Variants in ZNF565 observed in about 807,000 individuals in gnomAD.
ZNF565 encodes the protein zinc finger protein 565.
ZNF565 carries 27 observed loss-of-function variants against 39.4 expected under a neutral mutation model. The ratio of observed to expected loss-of-function variants is 0.69; its 90% CI spans 0.51 to 0.95. ZNF565 has a LOEUF of 0.95. ZNF565 is among the 40% of genes least tolerant of loss of function. The pLI, the probability that ZNF565 is intolerant of heterozygous loss-of-function variation, is 0.00. For synonymous variants in ZNF565, 185 were observed against 216.6 expected (o/e 0.85, Z 1.28); for missense variants, 524 against 621.1 (o/e 0.84, Z 1.66).
In ZNF565 at chr19:36,245,821, C is replaced by T; in HGVS notation, c.-291G>A. On this transcript the variant is annotated 5_prime_UTR_variant, in exon 1 of 5. Transcript: ENST00000355114. The surrounding 1 kb of genome is among the most constrained non-coding windows in gnomAD (Gnocchi z 4.4). ...CTTGAGTCCCGGTTCCTTCGCCCAGCTGCGGGCCTCGGGCTACTGGATCCG... is the reference window on the plus strand; with the variant it reads ...CTTGAGTCCCGGTTCCTTCGCCCAGTTGCGGGCCTCGGGCTACTGGATCCG... 1 of 378,040 alleles carries T rather than the reference C, an allele frequency of 2.6e-6. No homozygotes were observed. Among genetic ancestry groups the T allele is most frequent in the Non-Finnish European group, 4.8e-6 (1 of 209,770 alleles). The allele number at this position is 378,040 out of a possible 1,614,324, so 23.4% of individuals were successfully genotyped here. A position where few individuals can be genotyped will look rare whatever the true frequency, so the allele number is the denominator to read the frequency against.
intron 1 of ZNF565, among the ~76,000 whole-genome samples, chr19:36,242,491 G>T (rs1465870605): frequency 1.3e-5 from 2 of 151,954 alleles, no homozygotes; most frequent in African/African-American, 4.8e-5. Flanking sequence ...CACTTTAGAG[G>T]GCTGAGGTGG....
At chr19:36,211,302 G>T (rs554833531) in intron 1 of ZNF565, among the ~76,000 whole-genome samples, 1 of 151,990 alleles carries the variant, frequency 6.6e-6, no homozygotes, top group East Asian at 1.9e-4. Flanking sequence ...TATTAGCCGG[G>T]CGTGGTGGTG....
chr19:36,227,281 C>T (rs1311057287), intron 1 of ZNF565, among the ~76,000 whole-genome samples: 2 of 150,344 alleles, frequency 1.3e-5, no homozygotes, highest in African/African-American at 2.5e-5. Flanking sequence ...CCCAGCTACT[C>T]GGGAGGCTGA....
At chr19:36,207,432 C>T (rs879360251) in intron 1 of ZNF565, among the ~76,000 whole-genome samples, 76 of 151,856 alleles carry the variant, frequency 5.0e-4, no homozygotes, top group Admixed American at 3.3e-3. Flanking sequence ...CCTATTTACT[C>T]GGGAGGCTGA....
At chr19:36,186,060 G>A (rs547572039) in intron 4 of ZNF565, among the ~76,000 whole-genome samples, 4 of 146,610 alleles carry the variant, frequency 2.7e-5, no homozygotes, top group African/African-American at 1.0e-4. Context: ...ACAGTGGTGC[G>A]ATCTCAGCTC....
At chr19:36,199,972 A>T (rs12460237) in intron 2 of ZNF565, among the ~76,000 whole-genome samples, 55,882 of 151,764 alleles carry the variant, frequency 0.37, 10,468 homozygotes, top group Admixed American at 0.42. Flanking sequence ...AACTTTTCTT[A>T]ATGATGGTTA....
upstream of ZNF565, among the ~76,000 whole-genome samples, chr19:36,216,299 C>A (rs1255015439): frequency 6.6e-6 from 1 of 151,952 alleles, no homozygotes; most frequent in East Asian, 1.9e-4. Context: ...AATAAATATA[C>A]CATGTGACAT....
rs532297834 is a variant in ZNF565, at chr19:36,245,718, A to G, written c.-188T>C. On this transcript the variant is annotated 5_prime_UTR_variant, in exon 1 of 5. Transcript: ENST00000355114. This position sits in a 1 kb window ranked among gnomAD's most constrained non-coding sequence, Gnocchi z 4.4. ...CCCTCCGTTGACGATGCCTCGAGCT[A>G]TGACCCACCCTGGCTCCGTCCACGG... 4 of 598,520 alleles carry G rather than the reference A, an allele frequency of 6.7e-6. No individual in the cohort carries two copies. The highest frequency in any genetic ancestry group is 2.0e-5 in the South Asian group (1 of 50,470). 37.1% of individuals were successfully genotyped at this position (598,520 alleles called of 1,614,324 possible).
At chr19:36,235,855 A>G (rs1241961458) in intron 1 of ZNF565, 3 of 152,400 alleles carry the variant, frequency 2.0e-5, no homozygotes, top group African/African-American at 7.2e-5. Context: ...TTGAAACACA[A>G]CCTGGACTGA....
chr19:36,186,054 T>C (rs1292826110), intron 4 of ZNF565, among the ~76,000 whole-genome samples: 1 of 148,266 alleles, frequency 6.7e-6, no homozygotes, highest in Non-Finnish European at 1.5e-5. Flanking sequence ...TGGAGTACAG[T>C]GGTGCGATCT....
chr19:36,218,767 C>A (rs992367061), upstream of ZNF565, among the ~76,000 whole-genome samples: 1 of 151,182 alleles, frequency 6.6e-6, no homozygotes, highest in Non-Finnish European at 1.5e-5. Context: ...CTGCGCCCGG[C>A]CTAATATTTC....
At position 36,182,577 on chromosome 19, in the gene ZNF565, G is replaced by C. The variant is rs754246064; in HGVS notation, c.1389C>G (p.Thr463=). 6.2e-7 allele frequency: 1 copy of C among 1,613,850 alleles called. No individual in the cohort carries two copies. Among genetic ancestry groups the C allele is most frequent in the African/African-American group, 1.3e-5 (1 of 74,900 alleles). Residue 463 remains threonine (T), a synonymous_variant, in exon 5 of 5, where the codon ACC becomes ACG. Transcript: ENST00000304116. ...TACCAGGATGAATTCTCTGATGTTCGGTAAGTTGTGAACTACGAATAAAGG... is the reference window on the plus strand; with the variant it reads ...TACCAGGATGAATTCTCTGATGTTCCGTAAGTTGTGAACTACGAATAAAGG... ...GMAFIRSSQL[T]EHQRIHPGIK... is the part of the protein sequence containing the mutation.
At chr19:36,241,856 T>C (rs1301914842) in intron 1 of ZNF565, among the ~76,000 whole-genome samples, 2 of 148,762 alleles carry the variant, frequency 1.3e-5, no homozygotes, top group Non-Finnish European at 3.0e-5. Context: ...TCACACCGTA[T>C]ACAAAACTTA....
intron 1 of ZNF565, among the ~76,000 whole-genome samples, chr19:36,224,766 A>T (rs1976998895): frequency 2.0e-5 from 3 of 152,214 alleles, no homozygotes; most frequent in African/African-American, 7.2e-5. Flanking sequence ...GGACATTTTT[A>T]TGACATTAAA....
At chr19:36,231,770 G>A (rs1419102522) in intron 1 of ZNF565, among the ~76,000 whole-genome samples, 1 of 152,054 alleles carries the variant, frequency 6.6e-6, no homozygotes, top group Non-Finnish European at 1.5e-5. Context: ...GCCTTAAAAA[G>A]ACACACTAAG....
rs975198971 is a variant in ZNF565, at chr19:36,245,345, A to T, written c.55+131T>A. On this transcript the variant is annotated intron_variant, in intron 1 of 4. Transcript: ENST00000355114. This position sits in a 1 kb window ranked among gnomAD's most constrained non-coding sequence, Gnocchi z 4.4. The stretch of plus-strand genomic sequence containing the variant: ...CTAAGCCGAGGGGCTGCTGCCGGAC[A>T]TTCTAGGGTCTGATCTGGCGGGCTC... 1.7e-5 allele frequency: 11 copies of T among 657,586 alleles called. No individual in the cohort carries two copies. In the African/African-American group the frequency reaches 1.8e-4, roughly 11 times the overall value. 40.7% of individuals were successfully genotyped at this position (657,586 alleles called of 1,614,324 possible). A position where few individuals can be genotyped will look rare whatever the true frequency, so the allele number is the denominator to read the frequency against.
At chr19:36,187,792 C>A (rs1490631362) in intron 4 of ZNF565, among the ~76,000 whole-genome samples, 2 of 151,906 alleles carry the variant, frequency 1.3e-5, no homozygotes, top group African/African-American at 2.4e-5. Context: ...CGTGTGCCAC[C>A]ACGCCTGGCT....
intron 2 of ZNF565, among the ~76,000 whole-genome samples, chr19:36,197,625 C>T (rs1254427974): frequency 1.3e-5 from 2 of 152,050 alleles, no homozygotes; most frequent in Admixed American, 6.6e-5. Context: ...CCATTATTTT[C>T]GTGCACTTAG....
At chr19:36,230,557 G>A (rs1977288353) in intron 1 of ZNF565, among the ~76,000 whole-genome samples, 1 of 152,170 alleles carries the variant, frequency 6.6e-6, no homozygotes, top group South Asian at 2.1e-4. Context: ...GATCTGAAGA[G>A]TGCGAGAGTG....
Sources: gnomAD v4.1 joint callset for allele counts (sites outside exome capture counted in the v4.1 genomes callset) on GRCh38, gnomAD v4.1.1 for gene constraint, Gnocchi (gnomAD v3.1) non-coding constraint, MANE v1.5 for transcripts, NCBI Gene and HGNC (gene_info 2026-07-23, HGNC 2026-07-21) for gene names.